ASAP1: variants seen among roughly 807,000 people sequenced by gnomAD.
The protein encoded by ASAP1 is ArfGAP with SH3 domain, ankyrin repeat and PH domain 1.
A neutral mutation model predicts 145.2 loss-of-function variants in ASAP1; 43 were observed. The observed-to-expected ratio is 0.30, with a 90% confidence interval of 0.23 to 0.38. The LOEUF is 0.38. Ranked by LOEUF, ASAP1 falls within the 10% of genes least tolerant of loss-of-function variation. The pLI, the probability that ASAP1 is intolerant of heterozygous loss-of-function variation, is 1.00. For missense variants in ASAP1, 1,018 were observed against 1,355.3 expected, an observed-to-expected ratio of 0.75 and a Z score of 3.91; for synonymous variants, 546 against 515.5, an observed-to-expected ratio of 1.06 and a Z score of -0.80.
At chr8:130,121,894 C>T (rs889921928) in intron 18 of ASAP1, among the ~76,000 whole-genome samples, 2 of 151,550 alleles carry the variant, frequency 1.3e-5, no homozygotes, top group African/African-American at 4.8e-5. Context: ...AATCAAATCC[C>T]CAGGCAGTCC....
chr8:130,278,199 T>C (rs1821036608), intron 3 of ASAP1, among the ~76,000 whole-genome samples: 1 of 152,180 alleles, frequency 6.6e-6, no homozygotes, highest in African/African-American at 2.4e-5. Context: ...TGTAAACACT[T>C]ACTGCTGTGT....
chr8:130,087,355 A>AT (rs1285498127), intron 25 of ASAP1, among the ~76,000 whole-genome samples: 1 of 152,172 alleles, frequency 6.6e-6, no homozygotes, highest in Non-Finnish European at 1.5e-5. Flanking sequence ...CCCCGTCTCT[A>AT]TTAAAAATAC....
chr8:130,057,166 G>C (rs1393480143), intron 29 of ASAP1, among the ~76,000 whole-genome samples: 2 of 152,208 alleles, frequency 1.3e-5, no homozygotes, highest in African/African-American at 4.8e-5. Flanking sequence ...CTGAGGACTT[G>C]TCAACTGCTC....
At chr8:130,395,095 G>C (rs181032564) in intron 2 of ASAP1, among the ~76,000 whole-genome samples, 25 of 152,272 alleles carry the variant, frequency 1.6e-4, no homozygotes, top group Non-Finnish European at 1.0e-4. Context: ...GAATGTCCCT[G>C]CCGCAGCACA....
chr8:130,332,631 G>T (rs1468445705), intron 3 of ASAP1, among the ~76,000 whole-genome samples: 1 of 152,108 alleles, frequency 6.6e-6, no homozygotes, highest in African/African-American at 2.4e-5. Flanking sequence ...AGAAACTCTG[G>T]ATTTTTTCCC....
intron 2 of ASAP1, among the ~76,000 whole-genome samples, chr8:130,388,069 G>A (rs1161289791): frequency 6.6e-6 from 1 of 152,228 alleles, no homozygotes; most frequent in Non-Finnish European, 1.5e-5. Context: ...TAGCATTTAA[G>A]CTGAGACTTC....
chr8:130,209,825 A>G (rs1180137180), intron 5 of ASAP1, among the ~76,000 whole-genome samples: 13 of 152,088 alleles, frequency 8.5e-5, no homozygotes, highest in Non-Finnish European at 1.5e-4. Flanking sequence ...CTAGCAAACT[A>G]TGGTTATTCG....
intron 1 of ASAP1, among the ~76,000 whole-genome samples, chr8:130,440,214 A>G (rs746461084): frequency 3.7e-4 from 56 of 152,058 alleles, no homozygotes; most frequent in Non-Finnish European, 1.0e-4. Flanking sequence ...TTTGCCCCCT[A>G]TGATCCATCC....
chr8:130,386,565 T>C (rs1384354158), intron 2 of ASAP1: 1 of 152,296 alleles, frequency 6.6e-6, no homozygotes, highest in African/African-American at 2.4e-5. Flanking sequence ...CGCGTCGCTT[T>C]ACTGGTGAAA....
chr8:130,389,352 A>G (rs1475536520), intron 2 of ASAP1, among the ~76,000 whole-genome samples: 2 of 151,776 alleles, frequency 1.3e-5, no homozygotes, highest in Non-Finnish European at 2.9e-5. Flanking sequence ...ATGGCTGGTT[A>G]AAGTCCAGGA....
chr8:130,237,618 TG>T (rs1424608291), intron 3 of ASAP1, among the ~76,000 whole-genome samples: 1 of 152,138 alleles, frequency 6.6e-6, no homozygotes, highest in Non-Finnish European at 1.5e-5. Flanking sequence ...ATTTCTTGGA[TG>T]ATGAATCAAC....
chr8:130,267,825 G>A (rs1820351089), intron 3 of ASAP1, among the ~76,000 whole-genome samples: 1 of 152,142 alleles, frequency 6.6e-6, no homozygotes, highest in Non-Finnish European at 1.5e-5. Context: ...GGGGATGTTG[G>A]GTGAGGCCCT....
rs980414528 is a variant in ASAP1 at position 130,273,716 on chromosome 8, T to C, written c.187-36722A>G. On this transcript the variant is annotated intron_variant, in intron 3 of 29. Transcript: ENST00000518721. Reference sequence around the variant, plus strand: ...CAGAGCTGGTGAGATAGGTCACACTTCGAGGAGAACAAAGTAGTAGTTTCA... The same window carrying C: ...CAGAGCTGGTGAGATAGGTCACACTCCGAGGAGAACAAAGTAGTAGTTTCA... Among the ~76,000 whole-genome samples, 22 of 152,288 alleles carry C rather than the reference T, an allele frequency of 1.4e-4. No individual in the cohort carries two copies. In the Middle Eastern group the frequency reaches 0.014, roughly 94 times the overall value.
chr8:130,429,194 G>A (rs974430736), intron 1 of ASAP1, among the ~76,000 whole-genome samples: 1 of 152,062 alleles, frequency 6.6e-6, no homozygotes, highest in Non-Finnish European at 1.5e-5. Flanking sequence ...TTTAATTTTT[G>A]TTTCCTCTGT....
chr8:130,373,676 C>T (rs1827335354), intron 2 of ASAP1, among the ~76,000 whole-genome samples: 2 of 151,822 alleles, frequency 1.3e-5, no homozygotes, highest in Admixed American at 1.3e-4. Context: ...TGGTGAAACC[C>T]TGTCCCTACA....
chr8:130,116,218 C>G (rs79154264), intron 22 of ASAP1, among the ~76,000 whole-genome samples: 4,171 of 152,288 alleles, frequency 0.027, 70 homozygotes, highest in African/African-American at 0.045. Context: ...TGTGAAGGCC[C>G]TGACTTGCTA....
At chr8:130,112,498 T>C (rs900512204) in intron 23 of ASAP1, 176 bp from the exon 24 acceptor site, 2 of 575,024 alleles carry the variant, frequency 3.5e-6, no homozygotes, top group Non-Finnish European at 6.2e-6. Flanking sequence ...AGGATCTAGA[T>C]ACCACACTTT....
At chr8:130,074,470 C>T (rs2097457475) in intron 27 of ASAP1, among the ~76,000 whole-genome samples, 1 of 148,210 alleles carries the variant, frequency 6.7e-6, no homozygotes, top group Admixed American at 7.1e-5. Context: ...CACACACACA[C>T]ACACACACAC....
At chr8:130,134,406 C>T in intron 14 of ASAP1, 62 bp from the exon 15 acceptor site, 1 of 1,102,000 alleles carries the variant, frequency 9.1e-7, no homozygotes, top group Non-Finnish European at 1.3e-6. Context: ...TCAGGTACAA[C>T]ACAGATTTAA....
Sources: gnomAD v4.1 joint callset for allele counts (sites outside exome capture counted in the v4.1 genomes callset) on GRCh38, gnomAD v4.1.1 for gene constraint, MANE v1.5 for transcripts, NCBI Gene and HGNC (gene_info 2026-07-23, HGNC 2026-07-21) for gene names.